Variants in PTPRG observed in about 807,000 individuals in gnomAD.
The protein encoded by PTPRG is protein tyrosine phosphatase receptor type G.
A neutral mutation model predicts 165.3 loss-of-function variants in PTPRG; 102 were observed. The observed-to-expected ratio is 0.62, with a 90% CI of 0.53 to 0.73. The LOEUF (loss-of-function observed/expected upper bound fraction) is 0.73. Ranked by LOEUF, PTPRG falls within the 30% of genes least tolerant of loss-of-function variation. The pLI, the probability that PTPRG is intolerant of heterozygous loss-of-function variation, is 0.00. For synonymous variants in PTPRG, 675 were observed against 669.5 expected, an observed-to-expected ratio of 1.01 and a Z score of -0.13; for missense variants, 1,866 against 1,861.4, an observed-to-expected ratio of 1.00 and a Z score of -0.05.
rs148815305 is a variant in PTPRG at position 62,118,100 on chromosome 3, G to A, written c.616-14502G>A. ...AGAGGGAAGTATTATTAATATCTCC[G>A]TTTTCCAGACTGAAGAATCTGAGGC... On this transcript the variant is annotated intron_variant, in intron 5 of 29. Transcript: ENST00000474889. 3.0e-3 allele frequency among the ~76,000 whole-genome samples: 455 copies of A among 152,272 alleles called. 2 individuals carry two copies. Among genetic ancestry groups the A allele is most frequent in the Middle Eastern group, 6.8e-3 (2 of 294 alleles).
chr3:61,946,814 C>T (rs544675727), intron 2 of PTPRG, among the ~76,000 whole-genome samples: 1 of 152,350 alleles, frequency 6.6e-6, no homozygotes, highest in Non-Finnish European at 1.5e-5. Flanking sequence ...ATTTGTAGAG[C>T]ATGAGCTTGT....
In PTPRG at chr3:62,231,247, A is replaced by G; in HGVS notation, c.2311A>G (p.Lys771Glu). ...YWRGCNKIKS[K>E]GFPRRFREVP... is the part of the protein sequence containing the mutation. Reference sequence around the variant, plus strand: ...TAGAGGGTGTAACAAAATAAAGTCCAAGGGCTTTCCCAGACGTTTCCGTGA... The same window carrying G: ...TAGAGGGTGTAACAAAATAAAGTCCGAGGGCTTTCCCAGACGTTTCCGTGA... Residue 771 changes from lysine (K) to glutamate (E), a missense_variant, in exon 14 of 30, where the codon AAG becomes GAG. By Grantham distance (56) the Lys-to-Glu change is moderately conservative. Transcript: ENST00000474889. 1 of 1,589,702 alleles carries G rather than the reference A, an allele frequency of 6.3e-7. No individual in the cohort carries two copies. Among genetic ancestry groups the G allele is most frequent in the African/African-American group, 1.4e-5 (1 of 73,916 alleles).
At chr3:61,913,259 A>G (rs904913673) in intron 2 of PTPRG, among the ~76,000 whole-genome samples, 9 of 151,758 alleles carry the variant, frequency 5.9e-5, no homozygotes, top group Non-Finnish European at 1.3e-4. Flanking sequence ...TCGCTCTATC[A>G]CCCAGGCTGG....
chr3:61,639,686 C>T (rs1189258510), intron 1 of PTPRG, among the ~76,000 whole-genome samples: 2 of 151,898 alleles, frequency 1.3e-5, no homozygotes, highest in African/African-American at 4.8e-5. Flanking sequence ...AATGTGATTG[C>T]GTTCTTGATT....
At chr3:62,084,696 T>A (rs1701688983) in intron 5 of PTPRG, among the ~76,000 whole-genome samples, 1 of 152,164 alleles carries the variant, frequency 6.6e-6, no homozygotes, top group South Asian at 2.1e-4. Context: ...TCTCTCCACT[T>A]CCCTGCATTT....
chr3:61,627,395 C>G (rs961339171), intron 1 of PTPRG, among the ~76,000 whole-genome samples: 5 of 152,096 alleles, frequency 3.3e-5, no homozygotes, highest in African/African-American at 4.8e-5. Context: ...TCTTCTATCT[C>G]TGAATGTTGG....
intron 2 of PTPRG, among the ~76,000 whole-genome samples, chr3:61,836,932 A>T (rs189325401): frequency 6.6e-6 from 1 of 150,972 alleles, no homozygotes; most frequent in Admixed American, 6.6e-5. Flanking sequence ...TTCTTTTGAG[A>T]TGGAGTCTTG....
chr3:61,776,442 A>C (rs964238321), intron 2 of PTPRG, among the ~76,000 whole-genome samples: 2 of 152,174 alleles, frequency 1.3e-5, no homozygotes, highest in African/African-American at 4.8e-5. Context: ...TTGAAATCCC[A>C]GGTGTCACTT....
intron 2 of PTPRG, among the ~76,000 whole-genome samples, chr3:61,942,270 C>T (rs1025813404): frequency 1.3e-5 from 2 of 152,314 alleles, no homozygotes; most frequent in South Asian, 2.1e-4. Flanking sequence ...CCATGGTCCT[C>T]AGCCATCTGT....
chr3:61,990,307 C>T (rs2040853562), intron 3 of PTPRG, among the ~76,000 whole-genome samples: 1 of 152,134 alleles, frequency 6.6e-6, no homozygotes, highest in Non-Finnish European at 1.5e-5. Flanking sequence ...TATCAGGTAA[C>T]ATTGTGCCAA....
At chr3:61,951,902 G>A (rs998585939) in intron 2 of PTPRG, among the ~76,000 whole-genome samples, 9 of 152,006 alleles carry the variant, frequency 5.9e-5, no homozygotes, top group Non-Finnish European at 1.0e-4. Context: ...GGCAGATCAC[G>A]AGGTCAGGAG....
At chr3:61,690,616 G>A (rs112206353) in intron 1 of PTPRG, among the ~76,000 whole-genome samples, 4 of 152,242 alleles carry the variant, frequency 2.6e-5, no homozygotes, top group African/African-American at 7.2e-5. Flanking sequence ...GGATAGATTC[G>A]TCCATCCTCC....
chr3:62,023,162 TGA>T (rs1470003373), intron 4 of PTPRG, among the ~76,000 whole-genome samples: 1 of 152,196 alleles, frequency 6.6e-6, no homozygotes, highest in African/African-American at 2.4e-5. Flanking sequence ...TATTATCTTA[TGA>T]GTTAATTATA....
At chr3:61,690,019 C>T (rs2030086425) in intron 1 of PTPRG, among the ~76,000 whole-genome samples, 1 of 152,182 alleles carries the variant, frequency 6.6e-6, no homozygotes, top group South Asian at 2.1e-4. Flanking sequence ...TCAGCAAGGG[C>T]CATACATTCT....
intron 4 of PTPRG, among the ~76,000 whole-genome samples, chr3:62,076,538 G>C (rs1020998308): frequency 6.6e-6 from 1 of 151,594 alleles, no homozygotes; most frequent in East Asian, 1.9e-4. Flanking sequence ...TAATCAGTGT[G>C]GAGGCTTCTG....
intron 6 of PTPRG, among the ~76,000 whole-genome samples, chr3:62,138,767 GCTTCTCGT>G (rs1559555351): frequency 6.7e-6 from 1 of 149,888 alleles, no homozygotes; most frequent in Admixed American, 6.7e-5. Flanking sequence ...ATTATACGTC[GCTTCTCGT>G]CCTTTCGGCT....
chr3:62,036,018 C>G (rs1699925632), intron 4 of PTPRG, among the ~76,000 whole-genome samples: 1 of 147,756 alleles, frequency 6.8e-6, no homozygotes, highest in Non-Finnish European at 1.5e-5. Flanking sequence ...AGACAGTGCT[C>G]TGTGCATTTG....
intron 1 of PTPRG, among the ~76,000 whole-genome samples, chr3:61,587,133 A>AT (rs1256019149): frequency 6.6e-6 from 1 of 152,224 alleles, no homozygotes; most frequent in Non-Finnish European, 1.5e-5. Context: ...CTGATGGCAA[A>AT]TATCTCCCTA....
At chr3:61,933,543 T>A (rs1356954319) in intron 2 of PTPRG, among the ~76,000 whole-genome samples, 1 of 152,236 alleles carries the variant, frequency 6.6e-6, no homozygotes, top group Non-Finnish European at 1.5e-5. Context: ...AAGTGCTGAC[T>A]GTTAATAACA....
Sources: allele counts gnomAD v4.1 joint callset (sites outside exome capture counted in the v4.1 genomes callset), GRCh38; gene constraint gnomAD v4.1.1; transcripts MANE v1.5; gene names NCBI Gene and HGNC (gene_info 2026-07-23, HGNC 2026-07-21).